The following POLE variants were observed in gnomAD, a reference collection of about 807,000 sequenced individuals.
The protein encoded by POLE is DNA polymerase epsilon catalytic subunit A.
Under a neutral mutation model 279.2 loss-of-function variants are expected in POLE, and 188 were observed. The observed-to-expected ratio is 0.67, with a 90% confidence interval of 0.60 to 0.76. The LOEUF is 0.76. Among genes scored for constraint, POLE ranks in the 30% least tolerant of loss-of-function variants. POLE has a pLI of 0.00. For synonymous variants in POLE, 1,214 were observed against 1,172.5 expected, an observed-to-expected ratio of 1.04 and a Z score of -0.72; for missense variants, 2,703 against 3,016.7, an observed-to-expected ratio of 0.90 and a Z score of 2.44.
intron 12 of POLE, 30 bp from the exon 13 acceptor site, chr12:132,673,737 A>T (rs1325522721): frequency 6.2e-7 from 1 of 1,611,506 alleles, no homozygotes. Flanking sequence ...AGAAGCCAGG[A>T]TGATTCTAAC....
chr12:132,667,193 C>A (rs1047902025), intron 20 of POLE, among the ~76,000 whole-genome samples: 2 of 152,110 alleles, frequency 1.3e-5, no homozygotes, highest in East Asian at 3.8e-4. Flanking sequence ...AAACAATAGG[C>A]GAAGGCAGTT....
chr12:132,642,439 T>C (rs1182685234), intron 37 of POLE, 42 bp from the exon 38 acceptor site: 10 of 1,596,658 alleles, frequency 6.3e-6, no homozygotes, highest in Middle Eastern at 1.7e-4. Flanking sequence ...CATCGCCGGG[T>C]CACAGAGACC....
rs2135949727 is a variant in POLE, at chr12:132,661,677, A to G, written c.2714T>C (p.Phe905Ser). The change falls in exon 24 of 49, where the codon TTC becomes TCC. Residue 905 changes from phenylalanine (F) to serine (S), a missense_variant. Around this residue, in one of 5 missense-constraint regions of POLE, gnomAD observed 101 missense variants for 115.4 expected, o/e 0.87. Coordinates refer to ENST00000320574, the MANE Select transcript of POLE (RefSeq NM_006231.4). The surrounding 1 kb of genome is among the most constrained non-coding windows in gnomAD (Gnocchi z 4.1). Reference protein sequence around the residue: ...AMLNIMVKEGFTNDQYQELAE... With the variant: ...AMLNIMVKEGSTNDQYQELAE... ...CAGCTCCTGGTACTGGTCATTGGTG[A>G]AGCCTTCCTGAGAAACAAGAGTGAA... is the stretch of plus-strand genomic sequence containing the variant. The G allele has an allele frequency of 6.2e-7, 1 of 1,613,670 alleles. No individual in the cohort carries two copies. The highest frequency in any genetic ancestry group is 8.5e-7 in the Non-Finnish European group (1 of 1,179,814).
At position 132,672,297 on chromosome 12, in the gene POLE, A is replaced by G. The variant is rs780183239; in HGVS notation, c.1712T>C (p.Leu571Pro). 1.2e-6 allele frequency: 2 copies of G among 1,614,204 alleles called. No individual in the cohort carries two copies. The highest frequency in any genetic ancestry group is 8.5e-7 in the Non-Finnish European group (1 of 1,180,024). ...GCGCAAGGTCTTCTCAACCCGCTGC[A>G]GCAGGAAGTCAAAGGCGGCAGGATT... ...RMNPAAFDFL[L>P]QRVEKTLRHA... The change falls in exon 16 of 49, where the codon CTG becomes CCG. Residue 571 changes from leucine (L) to proline (P), a missense_variant. Around this residue, in one of 5 missense-constraint regions of POLE, gnomAD observed 1,011 missense variants for 1,111.7 expected, o/e 0.91. Transcript: ENST00000320574.
At chr12:132,658,265 C>A (rs1254345041) in intron 26 of POLE, 9 of 302,350 alleles carry the variant, frequency 3.0e-5, no homozygotes, top group East Asian at 7.9e-5. Flanking sequence ...GACATGTCTG[C>A]GTTTCTCATT....
intron 29 of POLE, among the ~76,000 whole-genome samples, chr12:132,652,338 A>T (rs1383914584): frequency 1.7e-5 from 1 of 58,128 alleles, no homozygotes; most frequent in African/African-American, 9.0e-5. Flanking sequence ...TTTTTTTTTT[A>T]AAGACACAGG....
intron 32 of POLE, among the ~76,000 whole-genome samples, chr12:132,645,218 G>T (rs1308584570): frequency 7.3e-6 from 1 of 136,512 alleles, no homozygotes; most frequent in Non-Finnish European, 1.6e-5. Context: ...TTCCTGTGTG[G>T]GGTCCTGGGG....
chr12:132,676,222 C>A lies in POLE; in HGVS notation c.910-18G>T, dbSNP rs1245479735. ...AGGTAGCCCTAGCCAAGTTCATTAG[C>A]AATCAGCACAAGTCAGAGGCTGCAA... On this transcript the variant is annotated intron_variant, in intron 9 of 48. Coordinates refer to ENST00000320574, the MANE Select transcript of POLE (RefSeq NM_006231.4). 5.8e-6 allele frequency: 9 copies of A among 1,538,538 alleles called. No individual in the cohort carries two copies. The highest frequency in any genetic ancestry group is 8.1e-6 in the Non-Finnish European group (9 of 1,112,806).
In POLE at chr12:132,634,472, A is replaced by C; in HGVS notation, c.5812-94T>G. ...GCGAAGGCTCCTCCAACCTGGGTCC[A>C]TCTGCCCCGTTTGACCAGAGGCCTT... On this transcript the variant is annotated intron_variant, in intron 42 of 48. Transcript: ENST00000320574. This position sits in a 1 kb window ranked among gnomAD's most constrained non-coding sequence, Gnocchi z 4.0. 7.9e-7 allele frequency: 1 copy of C among 1,259,384 alleles called. No homozygotes were observed. Among genetic ancestry groups the C allele is most frequent in the South Asian group, 1.4e-5 (1 of 72,780 alleles). 78.0% of individuals were successfully genotyped at this position (1,259,384 alleles called of 1,614,324 possible).
intron 19 of POLE, among the ~76,000 whole-genome samples, chr12:132,667,952 G>A (rs968125306): frequency 6.6e-6 from 1 of 152,052 alleles, no homozygotes; most frequent in Non-Finnish European, 1.5e-5. Flanking sequence ...GCATGGTGGC[G>A]CACACCTGTA....
At chr12:132,636,911 G>A (rs1277180122) in intron 41 of POLE, among the ~76,000 whole-genome samples, 2 of 152,184 alleles carry the variant, frequency 1.3e-5, no homozygotes, top group Admixed American at 6.5e-5. Flanking sequence ...TCTGCTCTTC[G>A]CGCTAAGGAA....
intron 29 of POLE, among the ~76,000 whole-genome samples, chr12:132,652,818 T>C (rs1051756013): frequency 2.0e-5 from 3 of 152,222 alleles, no homozygotes; most frequent in Non-Finnish European, 4.4e-5. Context: ...GATGCCATGA[T>C]AGTGTGTCTC....
chr12:132,641,186 G>C, intron 39 of POLE: 1 of 406,676 alleles, frequency 2.5e-6, no homozygotes, highest in East Asian at 7.1e-5. Context: ...TGCCCAGCAT[G>C]AACCACCGCT....
intron 29 of POLE, 27 bp from the exon 30 acceptor site, chr12:132,649,916 T>C: frequency 6.2e-7 from 1 of 1,603,964 alleles, no homozygotes; most frequent in Non-Finnish European, 8.5e-7. Context: ...AAGCCTTAAA[T>C]CTCAGGATCT....
chr12:132,641,804 G>A lies in POLE; in HGVS notation c.5221C>T (p.Gln1741Ter), dbSNP rs781481160. Residue 1741 changes from glutamine (Q) to a stop codon, truncating the protein, a stop_gained, in exon 39 of 49, where the codon CAG becomes TAG. Coordinates refer to ENST00000320574, the MANE Select transcript of POLE (RefSeq NM_006231.4). LOFTEE classifies it high-confidence loss of function. ...TCCATGTCGTTGACATGGTGAGACTGGAGAATGGTGTTGACGGCCAGGTTC... is the reference window on the plus strand; with the variant it reads ...TCCATGTCGTTGACATGGTGAGACTAGAGAATGGTGTTGACGGCCAGGTTC... ...LQNLAVNTIL[Q>*]SHHVNDMEGA... 3 of 1,604,720 alleles carry A rather than the reference G, an allele frequency of 1.9e-6. No individual in the cohort carries two copies. Among genetic ancestry groups the A allele is most frequent in the African/African-American group, 1.3e-5 (1 of 75,018 alleles).
At chr12:132,654,880 C>G (rs2042499973) in intron 29 of POLE, among the ~76,000 whole-genome samples, 1 of 152,198 alleles carries the variant, frequency 6.6e-6, no homozygotes, top group Non-Finnish European at 1.5e-5. Flanking sequence ...CATTCTGGCT[C>G]AATTTTGTAA....
At chr12:132,660,779 T>C (rs2042660252) in intron 25 of POLE, 190 bp downstream of exon 25, 2 of 440,186 alleles carry the variant, frequency 4.5e-6, no homozygotes, top group Non-Finnish European at 8.0e-6. Flanking sequence ...CTCAGAGTTG[T>C]GTCCCTGGAT....
intron 20 of POLE, 149 bp from the exon 21 acceptor site, chr12:132,665,599 C>A: frequency 1.3e-6 from 1 of 799,310 alleles, no homozygotes; most frequent in Non-Finnish European, 1.9e-6. Flanking sequence ...CATTCTTCTC[C>A]TAGACTGGCC....
At chr12:132,629,774 C>G (rs2041901552) in intron 45 of POLE, among the ~76,000 whole-genome samples, 2 of 152,174 alleles carry the variant, frequency 1.3e-5, no homozygotes, top group Admixed American at 6.5e-5. Context: ...TTGTAATTTC[C>G]TTCAAGAACC....
Sources: gnomAD v4.1 joint callset for allele counts (sites outside exome capture counted in the v4.1 genomes callset) on GRCh38, gnomAD v4.1.1 for gene constraint, gnomAD v4.1.1 regional missense constraint, Gnocchi (gnomAD v3.1) non-coding constraint, MANE v1.5 for transcripts, NCBI Gene and HGNC (gene_info 2026-07-23, HGNC 2026-07-21) for gene names.